The following KCNH7 variants were observed in gnomAD, a reference collection of about 807,000 sequenced individuals.
KCNH7 encodes the protein voltage-gated inwardly rectifying potassium channel KCNH7.
Under a neutral mutation model 120.8 loss-of-function variants are expected in KCNH7, and 49 were observed. The observed-to-expected ratio is 0.41, with a 90% CI of 0.32 to 0.51. KCNH7 has a LOEUF of 0.51. Among genes scored for constraint, KCNH7 ranks in the 20% least tolerant of loss-of-function variants. The pLI is 0.38. For missense variants in KCNH7, 1,097 were observed against 1,446.6 expected, an observed-to-expected ratio of 0.76 and a Z score of 3.92; for synonymous variants, 547 against 516.1, an observed-to-expected ratio of 1.06 and a Z score of -0.81.
intron 2 of KCNH7, among the ~76,000 whole-genome samples, chr2:162,743,774 G>A (rs772297303): frequency 7.9e-5 from 12 of 152,128 alleles, no homozygotes; most frequent in Admixed American, 2.0e-4. Flanking sequence ...TGCCACTCTC[G>A]AACACCAGTT....
chr2:162,384,779 T>C lies in KCNH7; in HGVS notation c.2871A>G (p.Pro957=), dbSNP rs149450923. The C allele has an allele frequency of 4.4e-5, 71 of 1,612,738 alleles. No individual in the cohort carries two copies. The highest frequency in any genetic ancestry group is 3.4e-6 in the Non-Finnish European group (4 of 1,179,122). Reference sequence around the variant, plus strand: ...CGAGCCCAGATGCTTTCCCTATTCCTGGAGAAGAGTCTACTATTCCTGAGA... The same window carrying C: ...CGAGCCCAGATGCTTTCCCTATTCCCGGAGAAGAGTCTACTATTCCTGAGA... ...PLFSGIVDSS[P]GIGKASGLDF... is the part of the protein sequence containing the mutation. The change falls in exon 13 of 16, where the codon CCA becomes CCG. Residue 957 remains proline (P), a synonymous_variant. Transcript: ENST00000332142.
intron 2 of KCNH7, among the ~76,000 whole-genome samples, chr2:162,627,069 G>T (rs1683587069): frequency 6.6e-6 from 1 of 152,120 alleles, no homozygotes; most frequent in Non-Finnish European, 1.5e-5. Flanking sequence ...CTTAAGATAG[G>T]CTTTTCTGCC....
chr2:162,469,974 G>T (rs1346408263), intron 6 of KCNH7, among the ~76,000 whole-genome samples: 1 of 152,248 alleles, frequency 6.6e-6, no homozygotes, highest in Non-Finnish European at 1.5e-5. Flanking sequence ...CTCCCGAGGT[G>T]CCGGGATTGC....
chr2:162,809,710 A>G (rs1684667556), intron 2 of KCNH7, among the ~76,000 whole-genome samples: 1 of 152,190 alleles, frequency 6.6e-6, no homozygotes, highest in South Asian at 2.1e-4. Context: ...CATCTCATGT[A>G]AACATTTCTA....
At chr2:162,665,767 T>C (rs538486489) in intron 2 of KCNH7, among the ~76,000 whole-genome samples, 2 of 152,300 alleles carry the variant, frequency 1.3e-5, no homozygotes, top group African/African-American at 4.8e-5. Flanking sequence ...TATGCCCTGA[T>C]TAATTTTCTT....
rs541087726 is a variant in KCNH7 at position 162,811,983 on chromosome 2, C to A, written c.307+24554G>T. On this transcript the variant is annotated intron_variant, in intron 2 of 15. Transcript: ENST00000332142. ...TGGGGGCTCATGTACTTTATCTTTT[C>A]AAAGAAATAGAATAAATTATAGTGT... 7.2e-5 allele frequency among the ~76,000 whole-genome samples: 11 copies of A among 152,068 alleles called. 1 individual carries two copies. In the South Asian group the frequency reaches 1.7e-3, roughly 23 times the overall value.
At chr2:162,579,890 C>T (rs949450515) in intron 2 of KCNH7, among the ~76,000 whole-genome samples, 8 of 151,932 alleles carry the variant, frequency 5.3e-5, no homozygotes, top group African/African-American at 9.6e-5. Flanking sequence ...TTTCTCTTTT[C>T]GGAAATACTC....
chr2:162,620,134 AT>A (rs1464747605), intron 2 of KCNH7, among the ~76,000 whole-genome samples: 2 of 150,428 alleles, frequency 1.3e-5, no homozygotes, highest in African/African-American at 4.9e-5. Context: ...AAATCTACCA[AT>A]GGGTAGAGAA....
intron 12 of KCNH7, among the ~76,000 whole-genome samples, chr2:162,390,920 T>G (rs1274422347): frequency 6.6e-6 from 1 of 151,946 alleles, no homozygotes; most frequent in Non-Finnish European, 1.5e-5. Context: ...CATTGAAAAA[T>G]TATATCTTAT....
chr2:162,464,703 C>A (rs891776451), intron 6 of KCNH7, among the ~76,000 whole-genome samples: 2 of 151,964 alleles, frequency 1.3e-5, no homozygotes, highest in African/African-American at 4.8e-5. Flanking sequence ...AGGTATTACT[C>A]CCTTTGTGAC....
At chr2:162,492,459 A>G (rs1293221322) in intron 6 of KCNH7, among the ~76,000 whole-genome samples, 1 of 152,076 alleles carries the variant, frequency 6.6e-6, no homozygotes, top group Non-Finnish European at 1.5e-5. Flanking sequence ...ATCCTGGCTT[A>G]GGGAATGAGT....
At chr2:162,519,163 T>G (rs1480623111) in intron 3 of KCNH7, among the ~76,000 whole-genome samples, 1 of 151,800 alleles carries the variant, frequency 6.6e-6, no homozygotes, top group African/African-American at 2.4e-5. Context: ...TTGGAAAGTC[T>G]TTGGACAATA....
intron 2 of KCNH7, among the ~76,000 whole-genome samples, chr2:162,753,706 T>G (rs1688690828): frequency 6.6e-6 from 1 of 152,144 alleles, no homozygotes; most frequent in Admixed American, 6.5e-5. Flanking sequence ...ATTATTTCAT[T>G]TTATAGTTTT....
At chr2:162,377,030 T>G (rs1456318168) in intron 14 of KCNH7, among the ~76,000 whole-genome samples, 1 of 152,158 alleles carries the variant, frequency 6.6e-6, no homozygotes, top group Non-Finnish European at 1.5e-5. Flanking sequence ...ATGAGACAAA[T>G]GGTGTAGGAA....
chr2:162,587,519 ATT>A (rs371650494), intron 2 of KCNH7, among the ~76,000 whole-genome samples: 3 of 151,708 alleles, frequency 2.0e-5, no homozygotes, highest in Admixed American at 1.3e-4. Flanking sequence ...AGCATTTAGA[ATT>A]TTTTTAAAAA....
At chr2:162,634,472 T>C (rs1291323453) in intron 2 of KCNH7, among the ~76,000 whole-genome samples, 1 of 152,096 alleles carries the variant, frequency 6.6e-6, no homozygotes, top group Non-Finnish European at 1.5e-5. Flanking sequence ...GCATATTATC[T>C]TATCCTAGCA....
At chr2:162,577,281 A>AGATC (rs1349901701) in intron 2 of KCNH7, among the ~76,000 whole-genome samples, 8 of 125,904 alleles carry the variant, frequency 6.4e-5, no homozygotes, top group African/African-American at 2.0e-4. Context: ...ATTAACAGAT[A>AGATC]GATCTATCTG....
chr2:162,622,909 A>G (rs1168753193), intron 2 of KCNH7, among the ~76,000 whole-genome samples: 1 of 152,138 alleles, frequency 6.6e-6, no homozygotes, highest in East Asian at 1.9e-4. Flanking sequence ...TTGTTTTTCT[A>G]CAGATTTCTA....
rs1691357495 is a variant in KCNH7, at chr2:162,517,775, C to T, written c.847G>A (p.Gly283Ser). The T allele has an allele frequency of 5.0e-6, 8 of 1,587,572 alleles. No individual in the cohort carries two copies. Among genetic ancestry groups the T allele is most frequent in the South Asian group, 2.2e-5 (2 of 89,494 alleles). The change falls in exon 4 of 16, where the codon GGC becomes AGC. Residue 283 changes from glycine (G) to serine (S), a missense_variant. Physicochemically the swap from Gly to Ser is moderately conservative, Grantham distance 56. Around this residue, in one of 8 missense-constraint regions of KCNH7, gnomAD observed 362 missense variants for 372.2 expected, o/e 0.97. Transcript: ENST00000332142. ...ASSVHDIEGF[G>S]VHPKNIFRDR... is the part of the protein sequence containing the mutation. ...CTAAATATGTTCTTGGGGTGGACGC[C>T]GAATCCTTCTATATCATGGACCGAA...
Sources: gnomAD v4.1 joint callset for allele counts (sites outside exome capture counted in the v4.1 genomes callset) on GRCh38, gnomAD v4.1.1 for gene constraint, gnomAD v4.1.1 regional missense constraint, MANE v1.5 for transcripts, NCBI Gene and HGNC (gene_info 2026-07-23, HGNC 2026-07-21) for gene names.